The following ADGRL2 variants were observed in gnomAD, a reference collection of about 807,000 sequenced individuals.
The protein encoded by ADGRL2 is calcium-independent alpha-latrotoxin receptor 2.
Under a neutral mutation model 157.4 loss-of-function variants are expected in ADGRL2, and 44 were observed. The ratio of observed to expected loss-of-function variants is 0.28; its 90% CI spans 0.22 to 0.36. ADGRL2 has a LOEUF of 0.36. Among genes scored for constraint, ADGRL2 ranks in the 10% least tolerant of loss-of-function variants. ADGRL2 has a pLI of 1.00. For synonymous variants in ADGRL2, 585 were observed against 624.7 expected, an observed-to-expected ratio of 0.94 and a Z score of 0.95; for missense variants, 1,510 against 1,768.9, an observed-to-expected ratio of 0.85 and a Z score of 2.63.
chr1:81,628,061 C>A (rs777737280), intron 3 of ADGRL2, among the ~76,000 whole-genome samples: 31 of 152,152 alleles, frequency 2.0e-4, no homozygotes, highest in Non-Finnish European at 4.4e-4. Flanking sequence ...CCTTCAGGTC[C>A]TGCATCACAT....
intron 3 of ADGRL2, among the ~76,000 whole-genome samples, chr1:81,643,240 T>C (rs1333351203): frequency 1.3e-5 from 2 of 152,196 alleles, no homozygotes; most frequent in Non-Finnish European, 2.9e-5. Flanking sequence ...ATAGCAGGGT[T>C]GTGGGATACA....
At chr1:81,600,699 T>C (rs571979710) in intron 3 of ADGRL2, among the ~76,000 whole-genome samples, 210 of 152,230 alleles carry the variant, frequency 1.4e-3, no homozygotes, top group Non-Finnish European at 1.8e-3. Flanking sequence ...AGATAAAACA[T>C]GCCACTCAGA....
intron 6 of ADGRL2, among the ~76,000 whole-genome samples, chr1:81,949,110 T>C (rs1221745009): frequency 6.6e-6 from 1 of 152,212 alleles, no homozygotes; most frequent in East Asian, 1.9e-4. Context: ...TTTGAAAACA[T>C]AGCTATTTTT....
chr1:81,942,679 T>G (rs926916216), intron 5 of ADGRL2: 2 of 418,350 alleles, frequency 4.8e-6, no homozygotes, highest in African/African-American at 4.0e-5. Context: ...GTTAACAGAT[T>G]ATAAGATGAA....
intron 2 of ADGRL2, among the ~76,000 whole-genome samples, chr1:81,511,769 C>A (rs1321001332): frequency 6.6e-6 from 1 of 151,752 alleles, no homozygotes; most frequent in Non-Finnish European, 1.5e-5. Context: ...CTATTTGGAC[C>A]AAATTATAGA....
intron 1 of ADGRL2, among the ~76,000 whole-genome samples, chr1:81,317,762 G>A (rs1011994084): frequency 1.3e-5 from 2 of 152,048 alleles, no homozygotes; most frequent in Admixed American, 6.6e-5. Flanking sequence ...TGTAAGTAGG[G>A]GGTCTGTCTG....
At chr1:81,957,076 A>G (rs1653740188) in intron 11 of ADGRL2, among the ~76,000 whole-genome samples, 1 of 152,146 alleles carries the variant, frequency 6.6e-6, no homozygotes, top group African/African-American at 2.4e-5. Context: ...GAAATATTTT[A>G]AAAATAATTT....
At chr1:81,349,574 T>C (rs1454763858) in intron 1 of ADGRL2, among the ~76,000 whole-genome samples, 1 of 147,890 alleles carries the variant, frequency 6.8e-6, no homozygotes, top group African/African-American at 2.5e-5. Flanking sequence ...CCACCTATCT[T>C]GCACCAATCT....
chr1:81,906,862 A>T (rs1557885123), intron 2 of ADGRL2, among the ~76,000 whole-genome samples, 155 bp from the exon 3 acceptor site: 1 of 152,232 alleles, frequency 6.6e-6, no homozygotes, highest in Non-Finnish European at 1.5e-5. Flanking sequence ...ATTTTCTGAC[A>T]TATTGTAGAG....
intron 2 of ADGRL2, among the ~76,000 whole-genome samples, chr1:81,491,447 A>AAG (rs2078631667): frequency 2.0e-5 from 3 of 152,138 alleles, no homozygotes; most frequent in Admixed American, 6.5e-5. Context: ...TGCTTCAAAA[A>AAG]AAAAGACTAC....
intron 17 of ADGRL2, 29 bp from the exon 18 acceptor site, chr1:81,979,840 G>A (rs751073029): frequency 8.0e-7 from 1 of 1,244,658 alleles, no homozygotes; most frequent in South Asian, 1.2e-5. Context: ...TTTGTTCATT[G>A]TGGTCTAATT....
intron 2 of ADGRL2, among the ~76,000 whole-genome samples, chr1:81,883,608 C>A (rs1171311868): frequency 6.6e-6 from 1 of 152,068 alleles, no homozygotes; most frequent in Admixed American, 6.6e-5. Context: ...ACTTTAAAAC[C>A]CAGTAAGCTG....
intron 3 of ADGRL2, among the ~76,000 whole-genome samples, chr1:81,920,956 A>C (rs1053427815): frequency 6.6e-6 from 1 of 151,920 alleles, no homozygotes; most frequent in Admixed American, 6.6e-5. Flanking sequence ...TTTTTCTTTA[A>C]TAAAAGTAAT....
chr1:81,611,017 T>A (rs1313547809), intron 3 of ADGRL2, among the ~76,000 whole-genome samples: 3 of 152,196 alleles, frequency 2.0e-5, no homozygotes, highest in Non-Finnish European at 4.4e-5. Flanking sequence ...TCTAAGCCAG[T>A]TTCTTCCACT....
chr1:81,857,722 ACTT>A (rs1277366435), intron 2 of ADGRL2, among the ~76,000 whole-genome samples: 1 of 152,088 alleles, frequency 6.6e-6, no homozygotes, highest in African/African-American at 2.4e-5. Context: ...TGAATATAAC[ACTT>A]CTTATTTTAA....
intron 2 of ADGRL2, among the ~76,000 whole-genome samples, chr1:81,529,262 C>T (rs542462988): frequency 3.9e-5 from 6 of 152,156 alleles, no homozygotes; most frequent in Admixed American, 3.9e-4. Context: ...AGGTGAAGGA[C>T]AGTGGAAAGA....
At chr1:81,682,544 C>G (rs1362198516) in intron 3 of ADGRL2, among the ~76,000 whole-genome samples, 1 of 152,146 alleles carries the variant, frequency 6.6e-6, no homozygotes, top group Admixed American at 6.5e-5. Context: ...CTGGCTTAAA[C>G]AAGCGCCTTT....
chr1:81,700,536 G>A (rs2083544147), intron 1 of ADGRL2, among the ~76,000 whole-genome samples: 1 of 152,106 alleles, frequency 6.6e-6, no homozygotes, highest in African/African-American at 2.4e-5. Context: ...TTGTTTCTTG[G>A]CATCAAATAA....
chr1:81,686,476 G>A (rs996288246), intron 3 of ADGRL2, among the ~76,000 whole-genome samples: 1 of 152,146 alleles, frequency 6.6e-6, no homozygotes, highest in Admixed American at 6.5e-5. Context: ...GGTGTCAGTT[G>A]TAATATCTCC....
Sources: allele counts gnomAD v4.1 joint callset (sites outside exome capture counted in the v4.1 genomes callset), GRCh38; gene constraint gnomAD v4.1.1; transcripts MANE v1.5; gene names NCBI Gene and HGNC (gene_info 2026-07-23, HGNC 2026-07-21).